The following GPHN variants were observed in gnomAD, a reference collection of about 807,000 sequenced individuals.
GPHN encodes gephyrin.
GPHN carries 17 observed loss-of-function variants against 95.5 expected under a neutral mutation model. The ratio of observed to expected loss-of-function variants is 0.18; its 90% CI spans 0.12 to 0.27. The LOEUF (loss-of-function observed/expected upper bound fraction) is 0.27. Ranked by LOEUF, GPHN falls within the 10% of genes least tolerant of loss-of-function variation. The pLI is 1.00. For missense variants in GPHN, 660 were observed against 978.1 expected (o/e 0.67, Z 4.34); for synonymous variants, 320 against 322.5 (o/e 0.99, Z 0.08).
At chr14:67,188,772 C>A in the GPHN span, among the ~76,000 whole-genome samples, 1 of 144,836 alleles carries the variant, frequency 6.9e-6, no homozygotes, top group African/African-American at 2.7e-5. Context: ...GGCTCAGTTT[C>A]TTTTCCTTCC....
chr14:67,691,292 T>A, the GPHN span: 1 of 1,344,562 alleles, frequency 7.4e-7, no homozygotes, highest in Non-Finnish European at 1.1e-6. Flanking sequence ...CCAAGGCTAT[T>A]ACATCTTAGA....
chr14:67,247,859 A>G, the GPHN span, among the ~76,000 whole-genome samples: 1 of 152,156 alleles, frequency 6.6e-6, no homozygotes, highest in Non-Finnish European at 1.5e-5. Context: ...GATTACAGGC[A>G]TGAGTCACAG....
intron 17 of GPHN, among the ~76,000 whole-genome samples, chr14:67,130,086 C>A (rs1385765247): frequency 1.3e-5 from 2 of 152,086 alleles, no homozygotes; most frequent in African/African-American, 4.8e-5. Flanking sequence ...TCTTTTCACT[C>A]AAATGCATTC....
At chr14:67,078,744 G>A (rs542476681) in intron 11 of GPHN, among the ~76,000 whole-genome samples, 161 of 152,184 alleles carry the variant, frequency 1.1e-3, no homozygotes, top group African/African-American at 3.6e-3. Flanking sequence ...TGAGAGATAC[G>A]GATATAGCAG....
the GPHN span, among the ~76,000 whole-genome samples, chr14:67,410,549 C>T: frequency 6.6e-6 from 1 of 152,188 alleles, no homozygotes; most frequent in African/African-American, 2.4e-5. Context: ...TCCAGTCTGA[C>T]CCTTGATCTG....
At chr14:67,109,425 TC>T (rs1304273990) in intron 13 of GPHN, among the ~76,000 whole-genome samples, 2 of 152,218 alleles carry the variant, frequency 1.3e-5, no homozygotes, top group Admixed American at 6.5e-5. Context: ...AAAATGCTTT[TC>T]CTCATGTTGT....
chr14:66,812,847 C>T (rs147017015), intron 3 of GPHN, among the ~76,000 whole-genome samples: 79 of 152,136 alleles, frequency 5.2e-4, no homozygotes, highest in African/African-American at 1.6e-3. Context: ...TTAATGTATC[C>T]ATGCATGTTG....
intron 12 of GPHN, among the ~76,000 whole-genome samples, chr14:67,095,997 T>C (rs1448903649): frequency 8.7e-6 from 1 of 114,876 alleles, no homozygotes; most frequent in Non-Finnish European, 1.9e-5. Context: ...GAATTTAGAA[T>C]CTCAGACCTT....
At chr14:67,387,388 G>GA in the GPHN span, 1 of 1,610,898 alleles carries the variant, frequency 6.2e-7, no homozygotes. Flanking sequence ...CTGCTGGCCT[G>GA]AATGTAATAG....
chr14:66,599,111 C>T (rs1467785267), intron 1 of GPHN, among the ~76,000 whole-genome samples: 2 of 151,888 alleles, frequency 1.3e-5, no homozygotes, highest in Non-Finnish European at 2.9e-5. Flanking sequence ...TTTTTCCATA[C>T]TTGAAAGAAA....
At chr14:66,739,905 T>A (rs1242253119) in intron 2 of GPHN, among the ~76,000 whole-genome samples, 1 of 151,982 alleles carries the variant, frequency 6.6e-6, no homozygotes, top group Non-Finnish European at 1.5e-5. Flanking sequence ...AACAGCAAAC[T>A]GTAAAAATGT....
the GPHN span, among the ~76,000 whole-genome samples, chr14:67,278,253 C>G: frequency 6.6e-6 from 1 of 151,776 alleles, no homozygotes; most frequent in Non-Finnish European, 1.5e-5. Flanking sequence ...TTGGCCAGGT[C>G]TCGAACTCCC....
intron 1 of GPHN, among the ~76,000 whole-genome samples, chr14:66,543,476 A>G (rs151076016): frequency 5.6e-4 from 85 of 152,292 alleles, no homozygotes; most frequent in African/African-American, 2.0e-3. Flanking sequence ...AATACCAAGT[A>G]TGTGCTTACA....
At chr14:67,301,264 G>T in the GPHN span, 1 of 490,330 alleles carries the variant, frequency 2.0e-6, no homozygotes. Flanking sequence ...ATTCTTTTTA[G>T]TGATTTTATT....
intron 9 of GPHN, among the ~76,000 whole-genome samples, chr14:66,978,073 C>T (rs1156543232): frequency 6.6e-6 from 1 of 152,136 alleles, no homozygotes; most frequent in East Asian, 1.9e-4. Flanking sequence ...AGGATTATGT[C>T]TAAAAAAACA....
At chr14:67,379,830 A>AT in the GPHN span, among the ~76,000 whole-genome samples, 1 of 150,812 alleles carries the variant, frequency 6.6e-6, no homozygotes, top group Admixed American at 6.6e-5. Flanking sequence ...AATTTTTTGT[A>AT]TTTTTAGTAG....
chr14:67,508,505 C>T, the GPHN span, among the ~76,000 whole-genome samples: 1 of 152,086 alleles, frequency 6.6e-6, no homozygotes, highest in Non-Finnish European at 1.5e-5. Context: ...ATCATACAGC[C>T]TCACGCTAGC....
At chr14:67,026,421 A>G (rs996903689) in intron 10 of GPHN, among the ~76,000 whole-genome samples, 1 of 152,146 alleles carries the variant, frequency 6.6e-6, no homozygotes, top group Non-Finnish European at 1.5e-5. Context: ...TTTTTATTGA[A>G]CGTTACTGTG....
At chr14:66,763,223 T>C (rs932613748) in intron 2 of GPHN, among the ~76,000 whole-genome samples, 17 of 37,314 alleles carry the variant, frequency 4.6e-4, no homozygotes, top group Middle Eastern at 8.5e-3. Flanking sequence ...TTTTTTAATC[T>C]TTTTTTTTTT....
Sources: gnomAD v4.1 joint callset for allele counts (sites outside exome capture counted in the v4.1 genomes callset) on GRCh38, gnomAD v4.1.1 for gene constraint, MANE v1.5 for transcripts, NCBI Gene and HGNC (gene_info 2026-07-23, HGNC 2026-07-21) for gene names.